The following THEMIS variants were observed in gnomAD, a reference collection of about 807,000 sequenced individuals.
THEMIS encodes protein THEMIS.
In THEMIS, 37 loss-of-function variants were observed where a neutral mutation model predicts 52.6. The observed-to-expected ratio is 0.70, with a 90% CI of 0.54 to 0.93. The LOEUF is 0.93. Among genes scored for constraint, THEMIS ranks in the 40% least tolerant of loss-of-function variants. The probability of loss-of-function intolerance (pLI) is 0.00; values close to 1 mark genes in which losing one functional copy is unlikely to be tolerated. For missense variants in THEMIS, 808 were observed against 763.1 expected (o/e 1.06, Z -0.69); for synonymous variants, 292 against 272.7 (o/e 1.07, Z -0.70).
chr6:127,760,962 A>T (rs779861510), intron 4 of THEMIS, among the ~76,000 whole-genome samples: 2 of 152,184 alleles, frequency 1.3e-5, no homozygotes, highest in Non-Finnish European at 2.9e-5. Flanking sequence ...TGTCAAACTA[A>T]AAAAGCTTCT....
At chr6:127,815,924 T>C (rs765456646) in intron 3 of THEMIS, among the ~76,000 whole-genome samples, 24 of 152,150 alleles carry the variant, frequency 1.6e-4, no homozygotes, top group Non-Finnish European at 7.4e-5. Context: ...ACATGGTGGG[T>C]GCTGTGGGCT....
At chr6:127,909,594 C>T (rs112802574) in intron 1 of THEMIS, among the ~76,000 whole-genome samples, 2,669 of 152,124 alleles carry the variant, frequency 0.018, 85 homozygotes, top group African/African-American at 0.06. Flanking sequence ...TTAGCTAGTC[C>T]TGGGTATCCT....
At chr6:127,911,434 A>C (rs1466375723) in intron 1 of THEMIS, among the ~76,000 whole-genome samples, 1 of 150,992 alleles carries the variant, frequency 6.6e-6, no homozygotes, top group Non-Finnish European at 1.5e-5. Flanking sequence ...TATATCCATG[A>C]ATATTTTATA....
At chr6:127,739,582 G>C (rs1320003189) in intron 4 of THEMIS, among the ~76,000 whole-genome samples, 1 of 152,130 alleles carries the variant, frequency 6.6e-6, no homozygotes, top group Non-Finnish European at 1.5e-5. Context: ...CGAGCTTACT[G>C]TGAGCCGAGA....
intron 4 of THEMIS, among the ~76,000 whole-genome samples, chr6:127,720,721 A>G (rs774492631): frequency 1.6e-4 from 25 of 151,988 alleles, no homozygotes; most frequent in Non-Finnish European, 3.5e-4. Flanking sequence ...TAAAAGCTTG[A>G]TTTTATAAAA....
chr6:127,833,291 G>A (rs1778763026), intron 2 of THEMIS, among the ~76,000 whole-genome samples: 1 of 152,124 alleles, frequency 6.6e-6, no homozygotes, highest in Non-Finnish European at 1.5e-5. Context: ...CATTCTTAAT[G>A]ATTTGCAGTT....
At chr6:127,800,688 G>A (rs1777502195) in intron 4 of THEMIS, among the ~76,000 whole-genome samples, 1 of 152,142 alleles carries the variant, frequency 6.6e-6, no homozygotes, top group East Asian at 1.9e-4. Flanking sequence ...AATCAAATCA[G>A]CTTAGAGTGC....
intron 4 of THEMIS, among the ~76,000 whole-genome samples, chr6:127,754,817 G>A (rs981034314): frequency 2.0e-5 from 3 of 151,934 alleles, no homozygotes; most frequent in Non-Finnish European, 2.9e-5. Flanking sequence ...AAAAACAGAT[G>A]AGCAAAGGGT....
chr6:127,827,516 A>G (rs1778546710), intron 3 of THEMIS, among the ~76,000 whole-genome samples: 1 of 152,244 alleles, frequency 6.6e-6, no homozygotes, highest in African/African-American at 2.4e-5. Context: ...ATTTCAACCA[A>G]GGGCTTTCTT....
intron 2 of THEMIS, among the ~76,000 whole-genome samples, chr6:127,851,801 A>T (rs918937044): frequency 6.6e-6 from 1 of 151,708 alleles, no homozygotes; most frequent in Non-Finnish European, 1.5e-5. Flanking sequence ...TAAACTAAAC[A>T]TACTCTTACT....
chr6:127,733,451 T>C (rs1040447155), intron 4 of THEMIS, among the ~76,000 whole-genome samples: 2 of 152,240 alleles, frequency 1.3e-5, no homozygotes, highest in African/African-American at 4.8e-5. Flanking sequence ...TCATTGAATC[T>C]GCAGCCTAAC....
chr6:127,874,232 C>A (rs937241365), intron 1 of THEMIS, among the ~76,000 whole-genome samples: 2 of 152,120 alleles, frequency 1.3e-5, no homozygotes, highest in African/African-American at 4.8e-5. Flanking sequence ...GAGCTCATCA[C>A]AATAGCAACA....
At chr6:127,740,019 T>C (rs971212358) in intron 4 of THEMIS, among the ~76,000 whole-genome samples, 3 of 152,110 alleles carry the variant, frequency 2.0e-5, no homozygotes, top group Non-Finnish European at 2.9e-5. Context: ...GAATCATCTC[T>C]GGCTGTACCC....
At chr6:127,818,962 A>T (rs1778230139) in intron 3 of THEMIS, among the ~76,000 whole-genome samples, 1 of 151,782 alleles carries the variant, frequency 6.6e-6, no homozygotes, top group Admixed American at 6.6e-5. Flanking sequence ...TAATAAAAAT[A>T]CAAAAATTAG....
chr6:127,771,261 A>G (rs1406490329), intron 4 of THEMIS, among the ~76,000 whole-genome samples: 1 of 152,232 alleles, frequency 6.6e-6, no homozygotes, highest in Non-Finnish European at 1.5e-5. Flanking sequence ...ATGAAATAAA[A>G]GAGGACACAA....
chr6:127,792,046 C>T (rs1170909382), intron 4 of THEMIS, among the ~76,000 whole-genome samples: 2 of 152,166 alleles, frequency 1.3e-5, no homozygotes, highest in African/African-American at 4.8e-5. Flanking sequence ...GGGCAGGGCT[C>T]CAGCTCCTCC....
chr6:127,826,319 A>G (rs192074173), intron 3 of THEMIS, among the ~76,000 whole-genome samples: 1 of 152,272 alleles, frequency 6.6e-6, no homozygotes, highest in East Asian at 1.9e-4. Context: ...TAAAAATTAA[A>G]TGAGAGAAAG....
rs146987101 is a variant in THEMIS at position 127,880,317 on chromosome 6, A to G, written c.91+20525T>C. Among the ~76,000 whole-genome samples, 287 of 152,200 alleles carry G rather than the reference A, an allele frequency of 1.9e-3. 1 individual carries two copies. The highest frequency in any genetic ancestry group is 6.7e-3 in the African/African-American group (278 of 41,520). On this transcript the variant is annotated intron_variant, in intron 1 of 5. Coordinates refer to ENST00000368248, the MANE Select transcript of THEMIS (RefSeq NM_001010923.3). ...TCATCTAAGATTAGTTCAAATTACC[A>G]TTATTTCAAAATTCCATAAACTCTT... is the stretch of plus-strand genomic sequence containing the variant.
At chr6:127,822,319 A>T (rs186102194) in intron 3 of THEMIS, among the ~76,000 whole-genome samples, 10 of 152,080 alleles carry the variant, frequency 6.6e-5, no homozygotes, top group Admixed American at 2.0e-4. Flanking sequence ...TTATTTTTTT[A>T]AATTTATTTA....
Sources: allele counts gnomAD v4.1 joint callset (sites outside exome capture counted in the v4.1 genomes callset), GRCh38; gene constraint gnomAD v4.1.1; transcripts MANE v1.5; gene names NCBI Gene and HGNC (gene_info 2026-07-23, HGNC 2026-07-21).